The following JADE1 variants were observed in gnomAD, a reference collection of about 807,000 sequenced individuals.
The protein encoded by JADE1 is protein Jade-1.
JADE1 carries 14 observed loss-of-function variants against 81.8 expected under a neutral mutation model. That is an observed-to-expected ratio of 0.17 (90% CI 0.11 to 0.27). The LOEUF is 0.27. Ranked by LOEUF, JADE1 falls within the 10% of genes least tolerant of loss-of-function variation. The pLI, the probability that JADE1 is intolerant of heterozygous loss-of-function variation, is 1.00. For missense variants in JADE1, 690 were observed against 1,047.9 expected, an observed-to-expected ratio of 0.66 and a Z score of 4.71; for synonymous variants, 353 against 391.9, an observed-to-expected ratio of 0.90 and a Z score of 1.17.
At chr4:128,866,058 C>A (rs1560779948) in intron 9 of JADE1, among the ~76,000 whole-genome samples, 1 of 152,294 alleles carries the variant, frequency 6.6e-6, no homozygotes, top group East Asian at 1.9e-4. Flanking sequence ...TCTTGAGCTT[C>A]ACTCTTAATT....
At chr4:128,864,857 C>A (rs955549357) in intron 9 of JADE1, 1 of 153,716 alleles carries the variant, frequency 6.5e-6, no homozygotes, top group African/African-American at 2.4e-5. Flanking sequence ...GGTACCAGTT[C>A]TGGATCTGGA....
intron 1 of JADE1, among the ~76,000 whole-genome samples, chr4:128,821,496 T>G (rs1388669360): frequency 1.4e-5 from 2 of 146,490 alleles, no homozygotes; most frequent in African/African-American, 2.5e-5. Flanking sequence ...GCTTCTTCTT[T>G]TTTTTTTTTT....
At chr4:128,829,105 G>C (rs1317468615) in intron 1 of JADE1, among the ~76,000 whole-genome samples, 5 of 152,168 alleles carry the variant, frequency 3.3e-5, no homozygotes, top group Non-Finnish European at 7.3e-5. Context: ...GAGCTTACCT[G>C]TCTGCAGTTG....
chr4:128,824,692 G>A (rs1474357046), intron 1 of JADE1, among the ~76,000 whole-genome samples: 1 of 152,126 alleles, frequency 6.6e-6, no homozygotes, highest in Non-Finnish European at 1.5e-5. Context: ...CATCCAGTAG[G>A]TTATTTTAAT....
At chr4:128,862,835 A>G in intron 9 of JADE1, 1 of 992,074 alleles carries the variant, frequency 1.0e-6, no homozygotes, top group Non-Finnish European at 1.2e-6. Context: ...GTATGTACAC[A>G]TGCATATATC....
chr4:128,818,367 C>T (rs1212001741), intron 1 of JADE1, among the ~76,000 whole-genome samples: 5 of 152,048 alleles, frequency 3.3e-5, no homozygotes, highest in African/African-American at 7.2e-5. Context: ...GTGATGCACC[C>T]GCCTCAGCCT....
chr4:128,838,879 A>G (rs1254585014), intron 2 of JADE1, among the ~76,000 whole-genome samples: 1 of 152,128 alleles, frequency 6.6e-6, no homozygotes, highest in Non-Finnish European at 1.5e-5. Flanking sequence ...GCCTTCCATG[A>G]ATGTTTCTGT....
At chr4:128,814,058 C>G (rs767452747) in intron 1 of JADE1, among the ~76,000 whole-genome samples, 1 of 151,118 alleles carries the variant, frequency 6.6e-6, no homozygotes, top group African/African-American at 2.4e-5. Flanking sequence ...AAAAAAAAAC[C>G]CACCTTCTTA....
Position 128,855,389 on chromosome 4 carries a change from G to A in JADE1, c.697-241G>A, listed in dbSNP as rs533353551. ...GGACCACCCTCTGCTAAATAAATAT[G>A]TATTGTGTCAGCAGAGCTCACCTCT... On this transcript the variant is annotated intron_variant, in intron 6 of 10. Transcript: ENST00000226319. Among the ~76,000 whole-genome samples the A allele has an allele frequency of 1.4e-3, 215 of 152,250 alleles. 1 individual carries two copies. Among genetic ancestry groups the A allele is most frequent in the African/African-American group, 4.9e-3 (204 of 41,542 alleles).
At chr4:128,828,125 T>C (rs1202442088) in intron 1 of JADE1, among the ~76,000 whole-genome samples, 1 of 152,182 alleles carries the variant, frequency 6.6e-6, no homozygotes, top group Middle Eastern at 3.2e-3. Flanking sequence ...GAGGTCAGGG[T>C]TAGTAATTTT....
intron 6 of JADE1, among the ~76,000 whole-genome samples, chr4:128,854,382 T>C (rs1730621312): frequency 6.6e-6 from 1 of 152,182 alleles, no homozygotes; most frequent in African/African-American, 2.4e-5. Flanking sequence ...GACCTGCTTT[T>C]CCAGGAAAAA....
At chr4:128,845,765 A>C (rs1185714566) in intron 3 of JADE1, among the ~76,000 whole-genome samples, 1 of 152,004 alleles carries the variant, frequency 6.6e-6, no homozygotes, top group Non-Finnish European at 1.5e-5. Context: ...TCTACTAAAA[A>C]CACAAAAATT....
At chr4:128,810,091 C>A in intron 1 of JADE1, 1 of 152,966 alleles carries the variant, frequency 6.5e-6, no homozygotes, top group South Asian at 1.8e-4. Context: ...TGCCGAAGGT[C>A]GCTGCCTAGT....
At chr4:128,825,066 G>A (rs1224281652) in intron 1 of JADE1, among the ~76,000 whole-genome samples, 2 of 152,068 alleles carry the variant, frequency 1.3e-5, no homozygotes. Flanking sequence ...TCGAGACAGA[G>A]TCTTGCTATA....
At chr4:128,817,709 C>G (rs1029244532) in intron 1 of JADE1, among the ~76,000 whole-genome samples, 1 of 152,190 alleles carries the variant, frequency 6.6e-6, no homozygotes, top group Non-Finnish European at 1.5e-5. Flanking sequence ...CATATAGAGG[C>G]TGAGTGTTGG....
chr4:128,850,332 A>T (rs987314806), intron 5 of JADE1, among the ~76,000 whole-genome samples: 4 of 150,912 alleles, frequency 2.7e-5, no homozygotes, highest in African/African-American at 9.8e-5. Context: ...AAAAAATCAC[A>T]AGATTTTTGT....
intron 1 of JADE1, chr4:128,811,228 T>G (rs1726323833): frequency 6.6e-6 from 1 of 152,274 alleles, no homozygotes. Flanking sequence ...CCCTTCCACC[T>G]CCTTCCCGCT....
rs2125782378 is a variant in JADE1 at position 128,813,443 on chromosome 4, GTCTT to G, written c.-27+3569_-27+3572del. On this transcript the variant is annotated intron_variant, in intron 1 of 10. Transcript: ENST00000226319. ...TTTTTTTTTTGTTCCTTGAGACAGA[GTCTT>G]TCGCTCTGTCACCCAGGCTGGAGTG... 2.4e-5 allele frequency among the ~76,000 whole-genome samples: 3 copies of G among 126,560 alleles called. No individual in the cohort carries two copies. The Admixed American group carries it at 2.8e-4, about 12-fold the overall frequency. 83.0% of individuals were successfully genotyped at this position (126,560 alleles called of 152,430 possible). A position where few individuals can be genotyped will look rare whatever the true frequency, so the allele number is the denominator to read the frequency against.
chr4:128,861,522 C>T (rs1057219673), intron 8 of JADE1, among the ~76,000 whole-genome samples, 182 bp from the exon 9 acceptor site: 1 of 152,208 alleles, frequency 6.6e-6, no homozygotes, highest in Non-Finnish European at 1.5e-5. Flanking sequence ...CCAAGCCTTA[C>T]CTCTTTTAAA....
Sources: allele counts gnomAD v4.1 joint callset (sites outside exome capture counted in the v4.1 genomes callset), GRCh38; gene constraint gnomAD v4.1.1; transcripts MANE v1.5; gene names NCBI Gene and HGNC (gene_info 2026-07-23, HGNC 2026-07-21).